SOX5: variants seen among roughly 807,000 people sequenced by gnomAD.
SOX5 encodes the protein SRY-box transcription factor 5, also known as transcription factor SOX-5.
SOX5 carries 9 observed loss-of-function variants against 92.0 expected under a neutral mutation model. That is an observed-to-expected ratio of 0.10 (90% CI 0.06 to 0.17). The LOEUF (loss-of-function observed/expected upper bound fraction) is 0.17. Among genes scored for constraint, SOX5 ranks in the 10% least tolerant of loss-of-function variants. SOX5 has a pLI of 1.00. For missense variants in SOX5, 642 were observed against 944.5 expected, an observed-to-expected ratio of 0.68 and a Z score of 4.20; for synonymous variants, 344 against 336.3, an observed-to-expected ratio of 1.02 and a Z score of -0.25.
At chr12:23,959,469 T>C (rs1306203001) in intron 4 of SOX5, among the ~76,000 whole-genome samples, 2 of 151,984 alleles carry the variant, frequency 1.3e-5, no homozygotes, top group African/African-American at 4.8e-5. Context: ...GAAGGGAACA[T>C]GAGTGAACTG....
chr12:24,047,550 T>C (rs1957170043), intron 4 of SOX5, among the ~76,000 whole-genome samples: 1 of 152,166 alleles, frequency 6.6e-6, no homozygotes, highest in Admixed American at 6.5e-5. Flanking sequence ...ACTGTAGGCG[T>C]TTATGACTTA....
At chr12:24,011,056 G>A (rs1952872730) in intron 4 of SOX5, among the ~76,000 whole-genome samples, 2 of 152,026 alleles carry the variant, frequency 1.3e-5, no homozygotes, top group Admixed American at 1.3e-4. Context: ...GTTTTAAGAA[G>A]TACATATTGG....
intron 4 of SOX5, among the ~76,000 whole-genome samples, chr12:24,053,417 A>G (rs1044359448): frequency 3.3e-5 from 5 of 152,060 alleles, no homozygotes; most frequent in Non-Finnish European, 5.9e-5. Context: ...GGCATGAGCT[A>G]CCGCGCCTGG....
intron 6 of SOX5, among the ~76,000 whole-genome samples, chr12:23,705,741 G>A (rs779651903): frequency 4.6e-5 from 7 of 151,978 alleles, no homozygotes; most frequent in Non-Finnish European, 7.4e-5. Flanking sequence ...GTAACTTTAC[G>A]TAAGAAAAGA....
chr12:23,929,924 A>C (rs535471121), intron 1 of SOX5, among the ~76,000 whole-genome samples: 3 of 151,900 alleles, frequency 2.0e-5, no homozygotes. Flanking sequence ...ATTCTTTAGC[A>C]TCTCCATTTA....
At chr12:24,534,045 G>C (rs1951421686) in intron 1 of SOX5, among the ~76,000 whole-genome samples, 1 of 152,096 alleles carries the variant, frequency 6.6e-6, no homozygotes, top group Non-Finnish European at 1.5e-5. Flanking sequence ...TATAAAAAAA[G>C]ATACTGTGAA....
chr12:24,050,160 A>G (rs1569523533), intron 4 of SOX5, among the ~76,000 whole-genome samples: 1 of 151,840 alleles, frequency 6.6e-6, no homozygotes, highest in Non-Finnish European at 1.5e-5. Flanking sequence ...GATCATTACA[A>G]ACGTCTTTGA....
intron 2 of SOX5, among the ~76,000 whole-genome samples, chr12:24,302,497 C>T (rs1266498810): frequency 6.6e-6 from 1 of 151,512 alleles, no homozygotes; most frequent in Non-Finnish European, 1.5e-5. Flanking sequence ...TCTTGCCATA[C>T]AAAACATGGG....
rs371913621 is a variant in SOX5, at chr12:23,575,154, A to G, written c.1342+507T>C. Among the ~76,000 whole-genome samples, 11 of 152,336 alleles carry G rather than the reference A, an allele frequency of 7.2e-5. No homozygotes were observed. In the East Asian group the frequency reaches 1.2e-3, roughly 16 times the overall value. On this transcript the variant is annotated intron_variant, in intron 10 of 14. Transcript: ENST00000451604. The stretch of plus-strand genomic sequence containing the variant: ...TTTTGTTTATGCTACTGAATTTACA[A>G]TTATATAGAATTGAAGCTATCCACT...
chr12:23,714,324 G>GT (rs1319162456), intron 6 of SOX5, among the ~76,000 whole-genome samples: 2 of 152,158 alleles, frequency 1.3e-5, no homozygotes, highest in African/African-American at 4.8e-5. Context: ...ATTTTTAACA[G>GT]TATGTCTACA....
chr12:23,731,718 T>A (rs1284185377), intron 6 of SOX5, among the ~76,000 whole-genome samples: 2 of 152,186 alleles, frequency 1.3e-5, no homozygotes. Context: ...TCTACCCCAC[T>A]TGATGTATTG....
chr12:24,282,202 G>A (rs1418252861), intron 2 of SOX5, among the ~76,000 whole-genome samples: 4 of 152,172 alleles, frequency 2.6e-5, no homozygotes, highest in Non-Finnish European at 2.9e-5. Flanking sequence ...AGGGATAAAC[G>A]AGGAATATAT....
At chr12:24,155,286 CAT>C (rs769550619) in intron 4 of SOX5, among the ~76,000 whole-genome samples, 1 of 152,046 alleles carries the variant, frequency 6.6e-6, no homozygotes, top group Non-Finnish European at 1.5e-5. Flanking sequence ...AGAAAAAAAA[CAT>C]ATTCATAATT....
chr12:24,370,301 C>T (rs1440865796), intron 1 of SOX5, among the ~76,000 whole-genome samples: 5 of 151,834 alleles, frequency 3.3e-5, no homozygotes, highest in East Asian at 1.9e-4. Context: ...AGTGAAACCC[C>T]GTCTCTACTA....
At chr12:23,690,713 G>A (rs553645206) in intron 6 of SOX5, among the ~76,000 whole-genome samples, 1 of 152,118 alleles carries the variant, frequency 6.6e-6, no homozygotes, top group East Asian at 1.9e-4. Context: ...AACTCCCTCT[G>A]ACCTTATCTC....
intron 1 of SOX5, among the ~76,000 whole-genome samples, chr12:24,461,095 C>T (rs1180129373): frequency 6.6e-6 from 1 of 152,128 alleles, no homozygotes; most frequent in Admixed American, 6.5e-5. Flanking sequence ...TTTGGTTGCC[C>T]TCTACTAAGT....
chr12:23,598,431 C>T (rs530586975), intron 9 of SOX5, among the ~76,000 whole-genome samples: 5 of 128,744 alleles, frequency 3.9e-5, no homozygotes, highest in African/African-American at 6.0e-5. Flanking sequence ...TGGAGTCTCC[C>T]TCTGTTGCCC....
intron 3 of SOX5, among the ~76,000 whole-genome samples, chr12:24,221,350 C>A (rs1439123253): frequency 6.6e-6 from 1 of 152,150 alleles, no homozygotes; most frequent in African/African-American, 2.4e-5. Context: ...TGTTTTATAA[C>A]CATGTCTATT....
At chr12:23,679,232 G>T (rs1445488591) in intron 6 of SOX5, among the ~76,000 whole-genome samples, 2 of 152,114 alleles carry the variant, frequency 1.3e-5, no homozygotes, top group African/African-American at 4.8e-5. Context: ...CTAAGATGAT[G>T]CCTTGGGTCC....
Sources: gnomAD v4.1 joint callset for allele counts (sites outside exome capture counted in the v4.1 genomes callset) on GRCh38, gnomAD v4.1.1 for gene constraint, MANE v1.5 for transcripts, NCBI Gene and HGNC (gene_info 2026-07-23, HGNC 2026-07-21) for gene names.